Variants in ARHGAP42 observed in about 807,000 individuals in gnomAD.
The protein encoded by ARHGAP42 is rho GTPase-activating protein 42.
Under a neutral mutation model 125.0 loss-of-function variants are expected in ARHGAP42, and 63 were observed. The observed-to-expected ratio is 0.50, with a 90% confidence interval of 0.41 to 0.62. The LOEUF (loss-of-function observed/expected upper bound fraction) is 0.62, where lower values mean the gene tolerates loss of function less well. Among genes scored for constraint, ARHGAP42 ranks in the 20% least tolerant of loss-of-function variants. The probability of loss-of-function intolerance (pLI) is 0.00; values close to 1 mark genes in which losing one functional copy is unlikely to be tolerated. For synonymous variants in ARHGAP42, 339 were observed against 351.0 expected, an observed-to-expected ratio of 0.97 and a Z score of 0.38; for missense variants, 766 against 1,024.2, an observed-to-expected ratio of 0.75 and a Z score of 3.44.
Position 100,988,734 on chromosome 11 carries a change from G to C in ARHGAP42, c.2558G>C (p.Gly853Ala). ...CCAGTGTACCCATCAGTGGAACCAG[G>C]ATGGTTAAAGGCAACTTATGAAGGC... is the stretch of plus-strand genomic sequence containing the variant. ...FSNVYPSVEP[G>A]WLKATYEGKT... Residue 853 changes from glycine (G) to alanine (A), a missense_variant, in exon 24 of 24, where the codon GGA becomes GCA. Coordinates refer to ENST00000298815, the MANE Select transcript of ARHGAP42 (RefSeq NM_152432.4). 1.9e-6 allele frequency: 3 copies of C among 1,550,374 alleles called. No individual in the cohort carries two copies. The highest frequency in any genetic ancestry group is 2.6e-6 in the Non-Finnish European group (3 of 1,146,100).
At chr11:100,806,458 G>C (rs1272148724) in intron 3 of ARHGAP42, among the ~76,000 whole-genome samples, 1 of 152,098 alleles carries the variant, frequency 6.6e-6, no homozygotes, top group Non-Finnish European at 1.5e-5. Context: ...AGATAAATGA[G>C]GCACAGTATG....
intron 3 of ARHGAP42, among the ~76,000 whole-genome samples, chr11:100,857,632 T>G (rs1387378206): frequency 6.6e-6 from 1 of 152,170 alleles, no homozygotes; most frequent in Non-Finnish European, 1.5e-5. Context: ...TTGTTCTTTT[T>G]CTACCATGCA....
At chr11:100,781,637 TC>T (rs1863314167) in intron 2 of ARHGAP42, among the ~76,000 whole-genome samples, 3 of 152,202 alleles carry the variant, frequency 2.0e-5, no homozygotes, top group African/African-American at 4.8e-5. Context: ...GGGTTTGTAT[TC>T]TTGTCAGAGG....
intron 1 of ARHGAP42, among the ~76,000 whole-genome samples, chr11:100,763,147 T>A (rs1862750001): frequency 6.6e-6 from 1 of 151,264 alleles, no homozygotes; most frequent in African/African-American, 2.4e-5. Flanking sequence ...CCCAGCTAAT[T>A]TTTTTGTATT....
chr11:100,695,747 A>G (rs910266770), intron 1 of ARHGAP42, among the ~76,000 whole-genome samples: 66 of 152,350 alleles, frequency 4.3e-4, no homozygotes, highest in African/African-American at 1.5e-3. Context: ...CAGTGTGTGT[A>G]AGGAATGTGA....
At chr11:100,762,895 T>G (rs181846789) in intron 1 of ARHGAP42, among the ~76,000 whole-genome samples, 368 of 152,192 alleles carry the variant, frequency 2.4e-3, no homozygotes, top group African/African-American at 8.5e-3. Flanking sequence ...GTGTAATGTA[T>G]GTGTTTTTTA....
intron 3 of ARHGAP42, among the ~76,000 whole-genome samples, chr11:100,845,699 T>A (rs1312916590): frequency 6.6e-6 from 1 of 152,156 alleles, no homozygotes; most frequent in Non-Finnish European, 1.5e-5. Context: ...ACAGATTTTA[T>A]CCACTTCACA....
At chr11:100,808,656 C>T (rs958168175) in intron 3 of ARHGAP42, among the ~76,000 whole-genome samples, 4 of 151,962 alleles carry the variant, frequency 2.6e-5, no homozygotes, top group East Asian at 3.9e-4. Flanking sequence ...CCACCCGCCT[C>T]GGCCTCCCAA....
chr11:100,734,837 TGA>T (rs2120320370), intron 1 of ARHGAP42, among the ~76,000 whole-genome samples: 1 of 152,330 alleles, frequency 6.6e-6, no homozygotes, highest in African/African-American at 2.4e-5. Flanking sequence ...TTCAGGTTTC[TGA>T]GAGTGGGACA....
intron 4 of ARHGAP42, among the ~76,000 whole-genome samples, chr11:100,895,172 G>A (rs1056446559): frequency 5.9e-5 from 9 of 152,162 alleles, no homozygotes; most frequent in East Asian, 3.8e-4. Context: ...GTGGTAAAAC[G>A]GAGAGGACAG....
intron 12 of ARHGAP42, among the ~76,000 whole-genome samples, chr11:100,959,088 C>T (rs76085255): frequency 6.6e-6 from 1 of 151,770 alleles, no homozygotes; most frequent in Admixed American, 6.6e-5. Flanking sequence ...GTCACTACCA[C>T]GTGATGAAAA....
At chr11:100,823,417 G>A (rs1864446625) in intron 3 of ARHGAP42, among the ~76,000 whole-genome samples, 1 of 152,084 alleles carries the variant, frequency 6.6e-6, no homozygotes, top group Non-Finnish European at 1.5e-5. Flanking sequence ...AGCTTTTTCA[G>A]CAACTAGAGT....
chr11:100,718,874 T>C (rs931911034), intron 1 of ARHGAP42, among the ~76,000 whole-genome samples: 27 of 152,364 alleles, frequency 1.8e-4, no homozygotes, highest in African/African-American at 6.3e-4. Flanking sequence ...ACGTGACTTA[T>C]TTAAATATGT....
At chr11:100,725,085 G>A (rs970646015) in intron 1 of ARHGAP42, among the ~76,000 whole-genome samples, 11 of 151,554 alleles carry the variant, frequency 7.3e-5, no homozygotes, top group African/African-American at 2.7e-4. Flanking sequence ...TCCTTTTGAA[G>A]TAAGTTATTT....
intron 4 of ARHGAP42, among the ~76,000 whole-genome samples, chr11:100,890,461 G>A (rs1184034228): frequency 1.3e-5 from 2 of 152,016 alleles, no homozygotes; most frequent in African/African-American, 2.4e-5. Flanking sequence ...CCTGTTAAGC[G>A]CTTCATTAAG....
chr11:100,989,247 T>C lies in ARHGAP42; in HGVS notation c.*446T>C, dbSNP rs1858768253. On this transcript the variant is annotated 3_prime_UTR_variant, in exon 24 of 24. Coordinates refer to ENST00000298815, the MANE Select transcript of ARHGAP42 (RefSeq NM_152432.4). ...TTTAAATTGTTCATTTATTGTTTTT[T>C]TTTTCTTAGAAATATACTGCTTTTA... is the stretch of plus-strand genomic sequence containing the variant. 2.5e-6 allele frequency: 1 copy of C among 397,720 alleles called. No homozygotes were observed. The highest frequency in any genetic ancestry group is 4.4e-6 in the Non-Finnish European group (1 of 225,654). The allele number at this position is 397,720 out of a possible 1,614,324, so 24.6% of individuals were successfully genotyped here.
chr11:100,903,709 A>AAAAAATATATAT (rs1332890022), intron 4 of ARHGAP42, among the ~76,000 whole-genome samples: 20 of 63,502 alleles, frequency 3.1e-4, no homozygotes, highest in African/African-American at 1.3e-3. Context: ...TGTCCCTCAA[A>AAAAAATATATAT]ATATATATAT....
Position 100,731,911 on chromosome 11 carries a change from C to G in ARHGAP42, c.155-38432C>G, listed in dbSNP as rs189107877. On this transcript the variant is annotated intron_variant, in intron 1 of 23. Transcript: ENST00000298815. ...CTTTTCCATGTTTTTCTACATAGCA[C>G]TTATCACTCTCTAACACATTCTATA... Among the ~76,000 whole-genome samples the G allele has an allele frequency of 1.3e-4, 19 of 151,994 alleles. No individual in the cohort carries two copies. The East Asian group carries it at 3.1e-3, about 25-fold the overall frequency.
intron 1 of ARHGAP42, among the ~76,000 whole-genome samples, chr11:100,693,274 G>A (rs1254967309): frequency 1.3e-5 from 2 of 151,760 alleles, no homozygotes; most frequent in Non-Finnish European, 2.9e-5. Flanking sequence ...TCAGAGGTGT[G>A]GAGGTGTAAT....
Sources: allele counts gnomAD v4.1 joint callset (sites outside exome capture counted in the v4.1 genomes callset), GRCh38; gene constraint gnomAD v4.1.1; transcripts MANE v1.5; gene names NCBI Gene and HGNC (gene_info 2026-07-23, HGNC 2026-07-21).